NDE1: variants seen among roughly 807,000 people sequenced by gnomAD.
NDE1 encodes nuclear distribution protein nudE homolog 1.
In NDE1, 28 loss-of-function variants were observed where a neutral mutation model predicts 43.4. The observed-to-expected ratio is 0.65, with a 90% confidence interval of 0.48 to 0.89. NDE1 has a LOEUF of 0.89. NDE1 is among the 40% of genes least tolerant of loss of function. NDE1 has a pLI of 0.00. For missense variants in NDE1, 441 were observed against 434.1 expected (o/e 1.02, Z -0.14); for synonymous variants, 184 against 172.0 (o/e 1.07, Z -0.55).
intron 8 of NDE1, among the ~76,000 whole-genome samples, chr16:15,712,344 C>G (rs11862654): frequency 2.0e-4 from 30 of 152,142 alleles, no homozygotes; most frequent in African/African-American, 7.0e-4. Flanking sequence ...TCTCACCTAG[C>G]GCTGGGGAGA....
chr16:15,693,471 A>G (rs887147039), intron 6 of NDE1, among the ~76,000 whole-genome samples: 1 of 152,154 alleles, frequency 6.6e-6, no homozygotes, highest in African/African-American at 2.4e-5. Context: ...TGGATTTTCT[A>G]CAATTTCAAA....
In NDE1 at chr16:15,694,849, C is replaced by T. The variant is rs1458038441; in HGVS notation, c.795+593C>T. On this transcript the variant is annotated intron_variant, in intron 7 of 8. Transcript: ENST00000396354. Reference sequence around the variant, plus strand: ...AATTAGGGTGATATGTGTGTTTTTTCCTTAACTCGAAAAATTAAGGAGCAC... The same window carrying T: ...AATTAGGGTGATATGTGTGTTTTTTTCTTAACTCGAAAAATTAAGGAGCAC... 6 of 985,296 alleles carry T rather than the reference C, an allele frequency of 6.1e-6. No homozygotes were observed. The Admixed American group carries it at 3.7e-4, about 61-fold the overall frequency. 61.0% of individuals were successfully genotyped at this position (985,296 alleles called of 1,614,324 possible).
chr16:15,653,811 A>G (rs984436962), intron 1 of NDE1, among the ~76,000 whole-genome samples: 3 of 150,604 alleles, frequency 2.0e-5, no homozygotes, highest in Non-Finnish European at 4.4e-5. Context: ...CACTGCAACC[A>G]CCGCCTCCCA....
At chr16:15,703,933 T>G in intron 8 of NDE1, 3 of 1,609,340 alleles carry the variant, frequency 1.9e-6, no homozygotes, top group Non-Finnish European at 2.5e-6. Flanking sequence ...GGGTTTTTTT[T>G]GTTTGTTTGT....
chr16:15,703,396 C>T lies in NDE1; in HGVS notation c.947+6536C>T, dbSNP rs867022432. The T allele has an allele frequency of 1.2e-4, 28 of 238,410 alleles. No homozygotes were observed. The South Asian group carries it at 3.2e-3, about 27-fold the overall frequency. The allele number at this position is 238,410 out of a possible 1,614,324, so 14.8% of individuals were successfully genotyped here. ...GAGTGGGGGCCGGCGGCACCCATTTCGGTGACTTTCTCCCCATTTCATGTA... is the reference window on the plus strand; with the variant it reads ...GAGTGGGGGCCGGCGGCACCCATTTTGGTGACTTTCTCCCCATTTCATGTA... On this transcript the variant is annotated intron_variant, in intron 8 of 8. Coordinates refer to ENST00000396354, the MANE Select transcript of NDE1 (RefSeq NM_017668.3).
Position 15,696,705 on chromosome 16 carries a change from C to T in NDE1, c.796-4C>T. On this transcript the variant is annotated splice_polypyrimidine_tract_variant and splice_region_variant and intron_variant, in intron 7 of 8. Transcript: ENST00000396354. ...TTGAGAGATAAAAGTGTATTTCTGT[C>T]CAGGCACTGGAGTCCAAACTCGCTT... 6.2e-7 allele frequency: 1 copy of T among 1,614,196 alleles called. No homozygotes were observed. Among genetic ancestry groups the T allele is most frequent in the South Asian group, 1.1e-5 (1 of 91,084 alleles).
chr16:15,653,790 C>T (rs965932735), intron 1 of NDE1, among the ~76,000 whole-genome samples: 6 of 150,128 alleles, frequency 4.0e-5, no homozygotes, highest in African/African-American at 1.2e-4. Flanking sequence ...TGCTGTGGGG[C>T]GATCTCGGCT....
At chr16:15,695,482 T>C in intron 7 of NDE1, 13 of 948,180 alleles carry the variant, frequency 1.4e-5, no homozygotes, top group Non-Finnish European at 1.6e-5. Context: ...GGTGACAAAG[T>C]GAGACTTGGT....
chr16:15,724,924 G>A lies in NDE1; in HGVS notation c.*673G>A, dbSNP rs150712107. 1.4e-4 allele frequency: 221 copies of A among 1,614,110 alleles called. No individual in the cohort carries two copies. Among genetic ancestry groups the A allele is most frequent in the Middle Eastern group, 1.6e-4 (1 of 6,062 alleles). ...GGAGCTGGGAACTGAGGGACGCCAC[G>A]TCCTTGGCCAGCTTAATGGCCTTCC... is the stretch of plus-strand genomic sequence containing the variant. On this transcript the variant is annotated 3_prime_UTR_variant, in exon 9 of 9. Coordinates refer to ENST00000396354, the MANE Select transcript of NDE1 (RefSeq NM_017668.3).
chr16:15,681,115 A>T, intron 4 of NDE1, among the ~76,000 whole-genome samples: 1 of 141,526 alleles, frequency 7.1e-6, no homozygotes, highest in Non-Finnish European at 1.6e-5. Flanking sequence ...ATATTTTTTA[A>T]TTGTTTAATT....
chr16:15,717,533 G>A (rs1037434660), intron 8 of NDE1: 19 of 629,794 alleles, frequency 3.0e-5, no homozygotes, highest in South Asian at 3.9e-5. Flanking sequence ...GGTGGCGCAC[G>A]CCTGTAATCC....
intron 8 of NDE1, among the ~76,000 whole-genome samples, chr16:15,715,697 T>G (rs190813623): frequency 6.2e-4 from 95 of 152,298 alleles, no homozygotes; most frequent in South Asian, 1.7e-3. Context: ...CTCCAATGCC[T>G]GCTCTTCACC....
intron 1 of NDE1, among the ~76,000 whole-genome samples, chr16:15,644,804 C>T (rs1312876612): frequency 6.6e-6 from 1 of 152,022 alleles, no homozygotes; most frequent in East Asian, 1.9e-4. Context: ...TCAACACAAG[C>T]CATATTAACT....
intron 5 of NDE1, among the ~76,000 whole-genome samples, chr16:15,687,768 G>A (rs2038514100): frequency 6.6e-6 from 1 of 152,228 alleles, no homozygotes; most frequent in African/African-American, 2.4e-5. Flanking sequence ...GGGGTTCACA[G>A]ATGAAGTCCT....
Position 15,721,419 on chromosome 16 carries a change from T to C in NDE1, c.948-2772T>C, listed in dbSNP as rs143288748. 2.1e-3 allele frequency: 3,392 copies of C among 1,614,072 alleles called. 7 individuals are homozygous for C. The highest frequency in any genetic ancestry group is 2.6e-3 in the Non-Finnish European group (3,060 of 1,179,950). On this transcript the variant is annotated intron_variant, in intron 8 of 8. Transcript: ENST00000396354. ...ACGAGAAAAACCACCCAGAGCCACT[T>C]ACGTTCTTGCCCACGTCATCCTTGG...
At chr16:15,715,420 C>T in intron 8 of NDE1, 1 of 752,110 alleles carries the variant, frequency 1.3e-6, no homozygotes. Context: ...GAATAGTATT[C>T]AGCCATGAAA....
At chr16:15,678,311 A>T (rs2037993057) in intron 4 of NDE1, among the ~76,000 whole-genome samples, 1 of 152,184 alleles carries the variant, frequency 6.6e-6, no homozygotes, top group East Asian at 1.9e-4. Context: ...CATTCCAGAC[A>T]GAACACCAAG....
Position 15,724,238 on chromosome 16 carries a change from C to T in NDE1, c.995C>T (p.Ser332Phe), listed in dbSNP as rs2040631334. ...RWLSKSTTRS[S>F]SSC ...TTGTCCAAATCAACAACCAGGTCGT[C>T]CAGCTCCTGCTGAAGCCTGTTCTTG... The change falls in exon 9 of 9, where the codon TCC becomes TTC. Residue 332 changes from serine (S) to phenylalanine (F), a missense_variant. Ser to Phe is a radical substitution (Grantham distance 155). Transcript: ENST00000396354. 1.9e-6 allele frequency: 3 copies of T among 1,614,198 alleles called. No individual in the cohort carries two copies. The highest frequency in any genetic ancestry group is 2.5e-6 in the Non-Finnish European group (3 of 1,180,038).
chr16:15,715,333 T>G, intron 8 of NDE1: 1 of 1,550,362 alleles, frequency 6.5e-7, no homozygotes, highest in African/African-American at 1.4e-5. Flanking sequence ...GTAGCTGGTG[T>G]GTCACCTGGA....
Sources: gnomAD v4.1 joint callset for allele counts (sites outside exome capture counted in the v4.1 genomes callset) on GRCh38, gnomAD v4.1.1 for gene constraint, MANE v1.5 for transcripts, NCBI Gene and HGNC (gene_info 2026-07-23, HGNC 2026-07-21) for gene names.